OXR1: variants seen among roughly 807,000 people sequenced by gnomAD.
OXR1 encodes oxidation resistance 1.
Under a neutral mutation model 104.6 loss-of-function variants are expected in OXR1, and 41 were observed. The observed-to-expected ratio is 0.39, with a 90% CI of 0.31 to 0.51. OXR1 has a LOEUF of 0.51. OXR1 is among the 20% of genes least tolerant of loss of function. The pLI is 0.77. For missense variants in OXR1, 955 were observed against 1,031.9 expected, an observed-to-expected ratio of 0.93 and a Z score of 1.02; for synonymous variants, 348 against 348.4, an observed-to-expected ratio of 1.00 and a Z score of 0.01.
chr8:106,332,633 T>G (rs1257084121), intron 1 of OXR1, among the ~76,000 whole-genome samples: 2 of 152,206 alleles, frequency 1.3e-5, no homozygotes, highest in African/African-American at 4.8e-5. Context: ...AAATTCACCC[T>G]TATAAAGTGA....
chr8:106,334,337 C>T (rs1363341121), intron 1 of OXR1, among the ~76,000 whole-genome samples: 2 of 152,046 alleles, frequency 1.3e-5, no homozygotes, highest in African/African-American at 4.8e-5. Context: ...GAACTCATTA[C>T]TAACTCTAAT....
chr8:106,700,505 T>C (rs906135364), intron 7 of OXR1, among the ~76,000 whole-genome samples: 1 of 152,204 alleles, frequency 6.6e-6, no homozygotes, highest in African/African-American at 2.4e-5. Context: ...TGTGTCTTTT[T>C]AGTAATAGCA....
chr8:106,584,986 G>A (rs573726821), intron 3 of OXR1, among the ~76,000 whole-genome samples: 1 of 152,072 alleles, frequency 6.6e-6, no homozygotes, highest in East Asian at 1.9e-4. Context: ...AGTTTATGTG[G>A]AACTTTGATA....
chr8:106,709,364 A>T (rs1001310710), intron 9 of OXR1, among the ~76,000 whole-genome samples: 5 of 152,112 alleles, frequency 3.3e-5, no homozygotes, highest in African/African-American at 1.2e-4. Flanking sequence ...GCTTATTAAG[A>T]CATCCAGTTG....
chr8:106,622,223 CT>C (rs1442935518), intron 3 of OXR1, among the ~76,000 whole-genome samples: 8 of 152,076 alleles, frequency 5.3e-5, no homozygotes, highest in Admixed American at 5.2e-4. Context: ...GTCCTTACCA[CT>C]TGCACTGCTT....
chr8:106,617,960 AG>A, intron 3 of OXR1: 2 of 958,314 alleles, frequency 2.1e-6, no homozygotes, highest in Non-Finnish European at 2.5e-6. Flanking sequence ...GGGCAGGTAC[AG>A]TGAGTTTCCT....
At chr8:106,446,551 G>A (rs1586651772) in intron 2 of OXR1, among the ~76,000 whole-genome samples, 2 of 151,740 alleles carry the variant, frequency 1.3e-5, no homozygotes, top group East Asian at 3.9e-4. Flanking sequence ...CTGGGAGGCG[G>A]AGGTTGCAGC....
intron 1 of OXR1, among the ~76,000 whole-genome samples, chr8:106,276,066 G>A (rs190182840): frequency 1.1e-4 from 16 of 152,228 alleles, no homozygotes; most frequent in Non-Finnish European, 1.6e-4. Flanking sequence ...ATGTGATGCC[G>A]TTTGGAATCT....
At chr8:106,638,877 G>A (rs1166845614) in intron 3 of OXR1, among the ~76,000 whole-genome samples, 1 of 144,188 alleles carries the variant, frequency 6.9e-6, no homozygotes, top group Non-Finnish European at 1.5e-5. Context: ...CTGGGCGCAA[G>A]AGTGAGACTC....
intron 2 of OXR1, among the ~76,000 whole-genome samples, chr8:106,459,462 T>C (rs1203568238): frequency 1.3e-5 from 2 of 152,156 alleles, no homozygotes; most frequent in Admixed American, 6.5e-5. Flanking sequence ...ATCCAGTCTG[T>C]ATTTTTCCAT....
At chr8:106,484,289 G>A (rs1469078010) in intron 2 of OXR1, among the ~76,000 whole-genome samples, 1 of 152,018 alleles carries the variant, frequency 6.6e-6, no homozygotes, top group Non-Finnish European at 1.5e-5. Context: ...ATAACAAAAA[G>A]AGTAGAATTG....
intron 12 of OXR1, among the ~76,000 whole-genome samples, chr8:106,739,023 T>C (rs1409848400): frequency 6.6e-6 from 1 of 151,844 alleles, no homozygotes; most frequent in Non-Finnish European, 1.5e-5. Context: ...GTTTTGTTCA[T>C]TATTTTTGAC....
At chr8:106,411,757 G>A (rs1818465637) in intron 2 of OXR1, among the ~76,000 whole-genome samples, 1 of 152,126 alleles carries the variant, frequency 6.6e-6, no homozygotes, top group Non-Finnish European at 1.5e-5. Context: ...TGGGACTCAG[G>A]CTACTGCCTC....
chr8:106,739,646 C>T (rs929274936), intron 13 of OXR1, 63 bp downstream of exon 13: 14 of 1,513,890 alleles, frequency 9.2e-6, no homozygotes, highest in African/African-American at 1.4e-5. Context: ...AGTAAAACAG[C>T]CTCTTTTTAG....
chr8:106,677,401 C>A (rs900322978), intron 3 of OXR1, among the ~76,000 whole-genome samples: 1 of 151,958 alleles, frequency 6.6e-6, no homozygotes, highest in Non-Finnish European at 1.5e-5. Context: ...AATTAGAATA[C>A]TTTGATAAGC....
At chr8:106,461,956 C>T (rs1820938820) in intron 2 of OXR1, among the ~76,000 whole-genome samples, 2 of 152,122 alleles carry the variant, frequency 1.3e-5, no homozygotes, top group African/African-American at 4.8e-5. Context: ...AGAAAAGGAT[C>T]CTGACTCACT....
At chr8:106,497,618 A>G (rs1226210902) in intron 2 of OXR1, among the ~76,000 whole-genome samples, 5 of 152,200 alleles carry the variant, frequency 3.3e-5, no homozygotes, top group South Asian at 2.1e-4. Context: ...CTTAGCCACT[A>G]TGACACCATA....
intron 1 of OXR1, among the ~76,000 whole-genome samples, chr8:106,305,073 G>A (rs1813415988): frequency 6.6e-6 from 1 of 152,062 alleles, no homozygotes; most frequent in Non-Finnish European, 1.5e-5. Flanking sequence ...GAGATTTTGT[G>A]ATTTTGCTTT....
At chr8:106,512,794 A>G (rs1054603798) in intron 2 of OXR1, among the ~76,000 whole-genome samples, 1 of 152,118 alleles carries the variant, frequency 6.6e-6, no homozygotes, top group African/African-American at 2.4e-5. Context: ...TGTGAGAGGA[A>G]AAGGGAAGAT....
Sources: gnomAD v4.1 joint callset for allele counts (sites outside exome capture counted in the v4.1 genomes callset) on GRCh38, gnomAD v4.1.1 for gene constraint, MANE v1.5 for transcripts, NCBI Gene and HGNC (gene_info 2026-07-23, HGNC 2026-07-21) for gene names.